The following HSPA9 variants were observed in gnomAD, a reference collection of about 807,000 sequenced individuals.
HSPA9 encodes the protein stress-70 protein, mitochondrial.
A neutral mutation model predicts 81.5 loss-of-function variants in HSPA9; 28 were observed. The observed-to-expected ratio is 0.34, with a 90% CI of 0.25 to 0.47. The LOEUF (loss-of-function observed/expected upper bound fraction) is 0.47, where lower values mean the gene tolerates loss of function less well. Ranked by LOEUF, HSPA9 falls within the 20% of genes least tolerant of loss-of-function variation. The probability of loss-of-function intolerance (pLI) is 1.00; values close to 1 mark genes in which losing one functional copy is unlikely to be tolerated. For missense variants in HSPA9, 678 were observed against 838.0 expected (o/e 0.81, Z 2.36); for synonymous variants, 293 against 290.4 (o/e 1.01, Z -0.09).
At chr5:138,568,397 G>A (rs7727542) in intron 5 of HSPA9, among the ~76,000 whole-genome samples, 3,654 of 151,530 alleles carry the variant, frequency 0.024, 150 homozygotes, top group African/African-American at 0.083. Flanking sequence ...GCTACGTTGG[G>A]GGGGAGGGAG....
Position 138,556,761 on chromosome 5 carries a change from A to C in HSPA9, c.1821+13T>G. On this transcript the variant is annotated intron_variant, in intron 15 of 16. Coordinates refer to ENST00000297185, the MANE Select transcript of HSPA9 (RefSeq NM_004134.7). ...GTGTTCAACCTCTTGAGTTACTTTA[A>C]AATAGAACTCACCTCATCAGCAGGT... 1 of 1,602,524 alleles carries C rather than the reference A, an allele frequency of 6.2e-7. No homozygotes were observed. The highest frequency in any genetic ancestry group is 8.6e-7 in the Non-Finnish European group (1 of 1,169,384).
Position 138,563,049 on chromosome 5 carries a change from T to C in HSPA9, c.973-1260A>G, listed in dbSNP as rs568115982. Among the ~76,000 whole-genome samples the C allele has an allele frequency of 4.6e-5, 7 of 152,314 alleles. No individual in the cohort carries two copies. The East Asian group carries it at 5.8e-4, about 13-fold the overall frequency. ...TCTTCAGGAGAAGTATCCTAAACATTTGAATACTTAATAAATAGAGTTAAC... is the reference window on the plus strand; with the variant it reads ...TCTTCAGGAGAAGTATCCTAAACATCTGAATACTTAATAAATAGAGTTAAC... On this transcript the variant is annotated intron_variant, in intron 9 of 16. Coordinates refer to ENST00000297185, the MANE Select transcript of HSPA9 (RefSeq NM_004134.7).
intron 9 of HSPA9, among the ~76,000 whole-genome samples, chr5:138,562,679 G>A (rs1580744901): frequency 6.6e-6 from 1 of 152,300 alleles, no homozygotes; most frequent in East Asian, 1.9e-4. Flanking sequence ...AGAAGATAAA[G>A]AACTATTCTG....
intron 3 of HSPA9, among the ~76,000 whole-genome samples, 167 bp downstream of exon 3, chr5:138,573,596 G>C (rs146558221): frequency 4.0e-3 from 528 of 131,306 alleles, no homozygotes; most frequent in South Asian, 7.7e-3. Context: ...GCAGTGAGCG[G>C]AGACCGTGCC....
chr5:138,566,254 TTTAATA>T (rs1159219003), intron 9 of HSPA9, among the ~76,000 whole-genome samples: 1 of 150,778 alleles, frequency 6.6e-6, no homozygotes, highest in African/African-American at 2.4e-5. Flanking sequence ...AGAGAGGTTA[TTTAATA>T]TTGTCAGTTA....
intron 7 of HSPA9, 103 bp downstream of exon 7, chr5:138,567,352 G>A: frequency 1.9e-6 from 2 of 1,074,754 alleles, no homozygotes; most frequent in East Asian, 2.4e-5. Flanking sequence ...AGACAATACA[G>A]ACTTAAAATC....
At chr5:138,565,903 T>C (rs1019991876) in intron 9 of HSPA9, among the ~76,000 whole-genome samples, 1 of 152,146 alleles carries the variant, frequency 6.6e-6, no homozygotes, top group Admixed American at 6.6e-5. Flanking sequence ...GAGAGACAAT[T>C]AGCCGGGCTC....
chr5:138,567,321 G>C lies in HSPA9; in HGVS notation c.716+134C>G, dbSNP rs554084213. On this transcript the variant is annotated intron_variant, in intron 7 of 16. Coordinates refer to ENST00000297185, the MANE Select transcript of HSPA9 (RefSeq NM_004134.7). ...ATGGCCCAAAAGAAAAGAAAAGAAT[G>C]GTTTTGAAATGAAAAAACAAAGACA... The C allele has an allele frequency of 4.7e-5, 47 of 994,280 alleles. No individual in the cohort carries two copies. The East Asian group carries it at 8.7e-4, about 18-fold the overall frequency. 61.6% of individuals were successfully genotyped at this position (994,280 alleles called of 1,614,324 possible).
Position 138,555,813 on chromosome 5 carries a change from G to A in HSPA9, c.*224C>T. On this transcript the variant is annotated 3_prime_UTR_variant, in exon 17 of 17. Transcript: ENST00000297185. ...CTCCTTTTACATGCAGCTGAAAAAT[G>A]ACAGGCTAGGGACATAGAATATTGT... The A allele has an allele frequency of 3.5e-6, 2 of 572,148 alleles. No individual in the cohort carries two copies. Among genetic ancestry groups the A allele is most frequent in the Non-Finnish European group, 6.2e-6 (2 of 322,180 alleles). The allele number at this position is 572,148 out of a possible 1,614,324, so 35.4% of individuals were successfully genotyped here.
At chr5:138,567,409 C>T (rs376651302) in intron 7 of HSPA9, 46 bp downstream of exon 7, 25 of 1,422,140 alleles carry the variant, frequency 1.8e-5, no homozygotes, top group Non-Finnish European at 2.4e-5. Context: ...TTAAGTGACA[C>T]TTTAGTTTCA....
At chr5:138,562,278 A>G (rs1002587916) in intron 9 of HSPA9, among the ~76,000 whole-genome samples, 5 of 146,408 alleles carry the variant, frequency 3.4e-5, no homozygotes, top group African/African-American at 7.5e-5. Context: ...TGCCGGGTGC[A>G]GTGGCTCACG....
At chr5:138,575,138 G>T in intron 1 of HSPA9, 100 bp downstream of exon 1, 1 of 787,640 alleles carries the variant, frequency 1.3e-6, no homozygotes, top group Non-Finnish European at 2.1e-6. Flanking sequence ...GACCTATACT[G>T]GAGAATTCAA....
In HSPA9 at chr5:138,571,634, C is replaced by T. The variant is rs1451338709; in HGVS notation, c.229-493G>A. ...TAGTTAAGGTATCTTTAGCCCTTTA[C>T]TTTCAAACTACTATTTTTTTTTTTT... On this transcript the variant is annotated intron_variant, in intron 3 of 16. Coordinates refer to ENST00000297185, the MANE Select transcript of HSPA9 (RefSeq NM_004134.7). 3.3e-5 allele frequency among the ~76,000 whole-genome samples: 5 copies of T among 151,780 alleles called. No homozygotes were observed. In the East Asian group the frequency reaches 9.7e-4, roughly 29 times the overall value.
chr5:138,563,240 A>C (rs1030886079), intron 9 of HSPA9, among the ~76,000 whole-genome samples: 1 of 152,236 alleles, frequency 6.6e-6, no homozygotes, highest in Non-Finnish European at 1.5e-5. Context: ...GCAACCACTA[A>C]CATGACTACT....
intron 4 of HSPA9, 113 bp downstream of exon 4, chr5:138,570,847 A>T: frequency 1.0e-6 from 1 of 962,132 alleles, no homozygotes; most frequent in Non-Finnish European, 1.7e-6. Flanking sequence ...TAGGGACAAT[A>T]AGTAAAATTA....
chr5:138,559,804 A>G (rs1214195336), intron 11 of HSPA9, 60 bp downstream of exon 11: 2 of 1,120,936 alleles, frequency 1.8e-6, no homozygotes, highest in African/African-American at 3.1e-5. Context: ...AAGTGGCTGC[A>G]ATTACATCCG....
At position 138,556,452 on chromosome 5, in the gene HSPA9, C is replaced by CT; in HGVS notation, c.1961dup (p.Met655AspfsTer4). 6.2e-7 allele frequency: 1 copy of CT among 1,613,374 alleles called. No individual in the cohort carries two copies. The highest frequency in any genetic ancestry group is 8.5e-7 in the Non-Finnish European group (1 of 1,179,924). ...TCAAAATCCACTTCAGCCCTTGTAC[C>CT]TTTTTGTATGCCATTTCGAACAGCT... On this transcript the variant is annotated frameshift_variant and splice_region_variant, in exon 16 of 17. Transcript: ENST00000297185. LOFTEE classifies it high-confidence loss of function.
intron 13 of HSPA9, 146 bp downstream of exon 13, chr5:138,557,723 C>T (rs755652959): frequency 6.2e-5 from 47 of 761,768 alleles, no homozygotes; most frequent in Non-Finnish European, 1.1e-4. Context: ...TCCACAGGCT[C>T]AGTGCCTGTT....
intron 11 of HSPA9, chr5:138,559,607 G>T: frequency 2.2e-6 from 1 of 446,438 alleles, no homozygotes; most frequent in African/African-American, 2.0e-5. Context: ...AGCAAATTAT[G>T]TTAATCCTGT....
Sources: gnomAD v4.1 joint callset for allele counts (sites outside exome capture counted in the v4.1 genomes callset) on GRCh38, gnomAD v4.1.1 for gene constraint, MANE v1.5 for transcripts, NCBI Gene and HGNC (gene_info 2026-07-23, HGNC 2026-07-21) for gene names.